ESYT3: variants seen among roughly 807,000 people sequenced by gnomAD.
The protein encoded by ESYT3 is extended synaptotagmin-3.
A neutral mutation model predicts 111.5 loss-of-function variants in ESYT3; 101 were observed. That is an observed-to-expected ratio of 0.91 (90% CI 0.77 to 1.07). The LOEUF (loss-of-function observed/expected upper bound fraction) is 1.07, where lower values mean the gene tolerates loss of function less well. ESYT3 is among the 50% of genes least tolerant of loss of function. The pLI is 0.00. For missense variants in ESYT3, 1,097 were observed against 1,109.4 expected (o/e 0.99, Z 0.16); for synonymous variants, 416 against 446.8 (o/e 0.93, Z 0.87).
At position 138,476,627 on chromosome 3, in the gene ESYT3, C is replaced by G; in HGVS notation, c.2624+135C>G. The G allele has an allele frequency of 2.9e-6, 3 of 1,047,932 alleles. No homozygotes were observed. The South Asian group carries it at 4.3e-5, about 15-fold the overall frequency. The allele number at this position is 1,047,932 out of a possible 1,614,324, so 64.9% of individuals were successfully genotyped here. A position where few individuals can be genotyped will look rare whatever the true frequency, so the allele number is the denominator to read the frequency against. ...CCTTTATTTAAGGCTTTACTGCCTG[C>G]AGATCTCACTGATACCCTAAAAGAC... On this transcript the variant is annotated intron_variant, in intron 22 of 22. Transcript: ENST00000389567.
At chr3:138,445,832 C>T (rs1323379791) in intron 1 of ESYT3, among the ~76,000 whole-genome samples, 2 of 152,106 alleles carry the variant, frequency 1.3e-5, no homozygotes, top group Non-Finnish European at 2.9e-5. Flanking sequence ...GTACCCATCT[C>T]GCAGATGAGA....
Position 138,452,031 on chromosome 3 carries a change from C to CG in ESYT3, c.328-13dup, listed in dbSNP as rs1370050956. On this transcript the variant is annotated splice_polypyrimidine_tract_variant and intron_variant, in intron 1 of 22. Coordinates refer to ENST00000389567, the MANE Select transcript of ESYT3 (RefSeq NM_031913.5). ...TGCGGCTTCTAGTCTAACTTCCCCT[C>CG]GGGGCTTCTTTCCTAGATCCACTTC... The CG allele has an allele frequency of 9.3e-6, 15 of 1,613,470 alleles. No individual in the cohort carries two copies. The highest frequency in any genetic ancestry group is 1.3e-5 in the African/African-American group (1 of 74,934).
chr3:138,458,105 G>T (rs533889053), intron 4 of ESYT3, among the ~76,000 whole-genome samples: 1 of 152,204 alleles, frequency 6.6e-6, no homozygotes, highest in African/African-American at 2.4e-5. Flanking sequence ...GAGTCAGGAA[G>T]GAGGGAGATT....
intron 1 of ESYT3, among the ~76,000 whole-genome samples, chr3:138,447,379 A>G (rs912595443): frequency 6.6e-6 from 1 of 152,214 alleles, no homozygotes; most frequent in Admixed American, 6.5e-5. Flanking sequence ...ATATATACCT[A>G]TTGAAATCTC....
At chr3:138,443,706 G>A (rs1266877150) in intron 1 of ESYT3, among the ~76,000 whole-genome samples, 4 of 149,924 alleles carry the variant, frequency 2.7e-5, no homozygotes, top group Admixed American at 6.7e-5. Flanking sequence ...GTGTGTCTGC[G>A]TGTGTGTCCA....
intron 1 of ESYT3, among the ~76,000 whole-genome samples, chr3:138,442,651 G>A (rs1309143724): frequency 6.6e-6 from 1 of 152,184 alleles, no homozygotes; most frequent in Non-Finnish European, 1.5e-5. Flanking sequence ...TATTTTTATG[G>A]CTAACTTTTC....
intron 14 of ESYT3, 60 bp downstream of exon 14, chr3:138,468,941 G>A: frequency 5.2e-6 from 8 of 1,547,030 alleles, no homozygotes; most frequent in Non-Finnish European, 5.4e-6. Flanking sequence ...TCTCCCCAGA[G>A]TAACCACAAC....
chr3:138,435,125 G>T lies in ESYT3; in HGVS notation c.327G>T (p.Trp109Cys), dbSNP rs762675667. ...TGCGGGGCCAGCACCTGCCAGCCTG[G>T]GTGAGCCAAGCCGGGTGGGAGTGGG... The part of the protein sequence containing the change: ...RELRGQHLPA[W>C]IHFPDVERVE... The change falls in exon 1 of 23, where the codon TGG becomes TGT. Residue 109 changes from tryptophan (W) to cysteine (C), a missense_variant and splice_region_variant. Physicochemically the swap from Trp to Cys is radical, Grantham distance 215. Coordinates refer to ENST00000389567, the MANE Select transcript of ESYT3 (RefSeq NM_031913.5). This position sits in a 1 kb window ranked among gnomAD's most constrained non-coding sequence, Gnocchi z 4.8. 6.3e-7 allele frequency: 1 copy of T among 1,576,220 alleles called. No homozygotes were observed. The highest frequency in any genetic ancestry group is 8.6e-7 in the Non-Finnish European group (1 of 1,162,416).
rs1449347370 is a variant in ESYT3, at chr3:138,435,648, G to A, written c.327+523G>A. ...GAGGTGGAGTGGCGGGTACGGCTGG[G>A]AGACCGACGGCGCCGGGCCCCGGGC... On this transcript the variant is annotated intron_variant, in intron 1 of 22. Coordinates refer to ENST00000389567, the MANE Select transcript of ESYT3 (RefSeq NM_031913.5). This position sits in a 1 kb window ranked among gnomAD's most constrained non-coding sequence, Gnocchi z 4.8. Among the ~76,000 whole-genome samples, 3 of 151,934 alleles carry A rather than the reference G, an allele frequency of 2.0e-5. No homozygotes were observed. The highest frequency in any genetic ancestry group is 6.5e-5 in the Admixed American group (1 of 15,280).
chr3:138,465,229 C>T (rs2032866099), intron 9 of ESYT3, 110 bp from the exon 10 acceptor site: 2 of 726,580 alleles, frequency 2.8e-6, no homozygotes, highest in South Asian at 3.7e-5. Flanking sequence ...TCTTGAGGCA[C>T]TGAGGGGGTC....
chr3:138,456,468 G>T (rs2032282724), intron 3 of ESYT3, among the ~76,000 whole-genome samples: 1 of 152,204 alleles, frequency 6.6e-6, no homozygotes, highest in African/African-American at 2.4e-5. Flanking sequence ...AGCTTGCAGG[G>T]TGCTGTGTTC....
intron 2 of ESYT3, among the ~76,000 whole-genome samples, chr3:138,454,787 A>G (rs1278763621): frequency 6.6e-6 from 1 of 152,164 alleles, no homozygotes; most frequent in Non-Finnish European, 1.5e-5. Flanking sequence ...CACAGGAAAC[A>G]ATTTAACTTT....
In ESYT3 at chr3:138,435,694, GC is replaced by G. The variant is rs1171617922; in HGVS notation, c.327+571del. Among the ~76,000 whole-genome samples the G allele has an allele frequency of 6.6e-6, 1 of 150,644 alleles. No homozygotes were observed. Among genetic ancestry groups the G allele is most frequent in the Non-Finnish European group, 1.5e-5 (1 of 67,726 alleles). On this transcript the variant is annotated intron_variant, in intron 1 of 22. Coordinates refer to ENST00000389567, the MANE Select transcript of ESYT3 (RefSeq NM_031913.5). This position sits in a 1 kb window ranked among gnomAD's most constrained non-coding sequence, Gnocchi z 4.8. ...CGGGCCTCCTTCCCTCCCTCCCTCC[GC>G]CGGATAGGGATGCCGGCACACGCAC... is the stretch of plus-strand genomic sequence containing the variant.
intron 8 of ESYT3, 70 bp from the exon 9 acceptor site, chr3:138,464,275 T>C: frequency 6.4e-7 from 1 of 1,557,250 alleles, no homozygotes; most frequent in South Asian, 1.2e-5. Flanking sequence ...CTGATGGTTT[T>C]AGCTCTGATA....
At chr3:138,447,005 A>C (rs534565947) in intron 1 of ESYT3, among the ~76,000 whole-genome samples, 59 of 152,362 alleles carry the variant, frequency 3.9e-4, no homozygotes, top group Middle Eastern at 3.4e-3. Context: ...ACTGCACTCC[A>C]GCCTGGGTGA....
rs137984825 is a variant in ESYT3, at chr3:138,468,165, T to C, written c.1279T>C (p.Leu427=). ...GCACCTGCGGCTGGAGTGGCTTTCA[T>C]TGCTTACTGACCAAGAAGTTCTGAC... ...RLHLRLEWLS[L]LTDQEVLTED... The change falls in exon 12 of 23, where the codon TTG becomes CTG. Residue 427 remains leucine (L), a synonymous_variant. Transcript: ENST00000389567. 1.2e-6 allele frequency: 2 copies of C among 1,614,098 alleles called. No homozygotes were observed. The highest frequency in any genetic ancestry group is 1.7e-6 in the Non-Finnish European group (2 of 1,180,000).
chr3:138,468,256 G>C (rs1302928047), intron 12 of ESYT3, 62 bp downstream of exon 12: 7 of 1,502,988 alleles, frequency 4.7e-6, no homozygotes, highest in Non-Finnish European at 6.5e-6. Flanking sequence ...TGCCAGGTGT[G>C]TGCAGGTGGA....
At chr3:138,480,203 A>G (rs1441845135), downstream of ESYT3, 3 of 152,236 alleles carry the variant, frequency 2.0e-5, no homozygotes, top group Admixed American at 6.5e-5. Flanking sequence ...CAACACTATT[A>G]AAATCTAGAA....
rs1417876688 is a variant in ESYT3 at position 138,474,295 on chromosome 3, C to T, written c.2411C>T (p.Ala804Val). ...TACTTGTTGCCAGAAAGGAAGTGGGCATGTCGTAAGAAGACTTCAGTGAAG... is the reference window on the plus strand; with the variant it reads ...TACTTGTTGCCAGAAAGGAAGTGGGTATGTCGTAAGAAGACTTCAGTGAAG... ...RVYLLPERKW[A>V]CRKKTSVKRK... Residue 804 changes from alanine to valine, a missense_variant, in exon 20 of 23, where the codon GCA becomes GTA. Physicochemically the swap from Ala to Val is moderately conservative, Grantham distance 64. Transcript: ENST00000389567. 1 of 1,611,176 alleles carries T rather than the reference C, an allele frequency of 6.2e-7. No individual in the cohort carries two copies. Among genetic ancestry groups the T allele is most frequent in the South Asian group, 1.1e-5 (1 of 90,256 alleles).
Sources: gnomAD v4.1 joint callset for allele counts (sites outside exome capture counted in the v4.1 genomes callset) on GRCh38, gnomAD v4.1.1 for gene constraint, Gnocchi (gnomAD v3.1) non-coding constraint, MANE v1.5 for transcripts, NCBI Gene and HGNC (gene_info 2026-07-23, HGNC 2026-07-21) for gene names.